Variants in SLAMF6 observed in about 807,000 individuals in gnomAD.
The protein encoded by SLAMF6 is SLAM family member 6, also known as NK-T-B-antigen.
A neutral mutation model predicts 38.3 loss-of-function variants in SLAMF6; 21 were observed. The observed-to-expected ratio is 0.55, with a 90% CI of 0.39 to 0.79. The LOEUF (loss-of-function observed/expected upper bound fraction) is 0.79, where lower values mean the gene tolerates loss of function less well. Ranked by LOEUF, SLAMF6 falls within the 30% of genes least tolerant of loss-of-function variation. The pLI, the probability that SLAMF6 is intolerant of heterozygous loss-of-function variation, is 0.00. For missense variants in SLAMF6, 341 were observed against 385.3 expected, an observed-to-expected ratio of 0.89 and a Z score of 0.96; for synonymous variants, 152 against 146.3, an observed-to-expected ratio of 1.04 and a Z score of -0.28.
At chr1:160,499,800 C>T (rs1206799483) in intron 1 of SLAMF6, among the ~76,000 whole-genome samples, 1 of 152,160 alleles carries the variant, frequency 6.6e-6, no homozygotes, top group African/African-American at 2.4e-5. Flanking sequence ...TGAGCTTGCA[C>T]TTCCTCTCTC....
chr1:160,517,592 T>C (rs1232339935), intron 1 of SLAMF6, among the ~76,000 whole-genome samples: 2 of 152,120 alleles, frequency 1.3e-5, no homozygotes, highest in Admixed American at 1.3e-4. Context: ...AGCAAAGGCC[T>C]GGAATCAACC....
At chr1:160,499,271 T>A (rs1262904771) in intron 1 of SLAMF6, among the ~76,000 whole-genome samples, 1 of 152,238 alleles carries the variant, frequency 6.6e-6, no homozygotes, top group Non-Finnish European at 1.5e-5. Flanking sequence ...TTCAATCTTC[T>A]GCATATGGCT....
chr1:160,523,084 GC>G, intron 1 of SLAMF6, 59 bp downstream of exon 1: 1 of 1,579,372 alleles, frequency 6.3e-7, no homozygotes, highest in Non-Finnish European at 8.7e-7. Flanking sequence ...TTTAGGTTGA[GC>G]AAGCTGCACA....
At chr1:160,510,849 A>G (rs1321441211) in intron 1 of SLAMF6, among the ~76,000 whole-genome samples, 1 of 152,214 alleles carries the variant, frequency 6.6e-6, no homozygotes, top group Non-Finnish European at 1.5e-5. Flanking sequence ...TAAAGAATCC[A>G]CAAAAATGAT....
chr1:160,495,909 C>T, intron 2 of SLAMF6, 152 bp downstream of exon 2: 4 of 684,344 alleles, frequency 5.8e-6, no homozygotes, highest in Non-Finnish European at 9.8e-6. Flanking sequence ...CATTAACTGG[C>T]TTTGCAGTGT....
At chr1:160,512,836 T>C (rs1654554510) in intron 1 of SLAMF6, among the ~76,000 whole-genome samples, 3 of 151,868 alleles carry the variant, frequency 2.0e-5, no homozygotes, top group Admixed American at 2.0e-4. Context: ...AACAAAAAAG[T>C]CCCCACAAAA....
chr1:160,500,013 G>T (rs972535656), intron 1 of SLAMF6, among the ~76,000 whole-genome samples: 1 of 152,210 alleles, frequency 6.6e-6, no homozygotes, highest in African/African-American at 2.4e-5. Flanking sequence ...ATTTAAAGTT[G>T]ATAAACAGAC....
intron 4 of SLAMF6, 38 bp downstream of exon 4, chr1:160,490,537 C>T: frequency 6.2e-7 from 1 of 1,603,082 alleles, no homozygotes; most frequent in South Asian, 1.1e-5. Context: ...ATCACTGGAA[C>T]CTTGGAGAAG....
At chr1:160,491,595 C>A (rs1464679366) in intron 2 of SLAMF6, among the ~76,000 whole-genome samples, 1 of 152,104 alleles carries the variant, frequency 6.6e-6, no homozygotes, top group African/African-American at 2.4e-5. Context: ...CAGTATGGGG[C>A]AGGATAGTCA....
chr1:160,486,603 T>C lies in SLAMF6; in HGVS notation c.*104A>G. ...GATCATCCTATCCTAGATATTCAAA[T>C]TCTGTTGCCAGGAACAACAGGAACC... On this transcript the variant is annotated 3_prime_UTR_variant, in exon 8 of 8. Coordinates refer to ENST00000368057, the MANE Select transcript of SLAMF6 (RefSeq NM_001184714.2). The C allele has an allele frequency of 8.1e-7, 1 of 1,240,560 alleles. No homozygotes were observed. The highest frequency in any genetic ancestry group is 1.2e-6 in the Non-Finnish European group (1 of 853,628). The allele number at this position is 1,240,560 out of a possible 1,614,324, so 76.8% of individuals were successfully genotyped here.
In SLAMF6 at chr1:160,490,573, G is replaced by T; in HGVS notation, c.757+2C>A. 1 of 1,612,160 alleles carries T rather than the reference G, an allele frequency of 6.2e-7. No homozygotes were observed. The highest frequency in any genetic ancestry group is 8.5e-7 in the Non-Finnish European group (1 of 1,179,504). On this transcript the variant is annotated splice_donor_variant, in intron 4 of 7. Transcript: ENST00000368057. LOFTEE classifies it high-confidence loss of function. ...AGACAAGTAGGAAGAAAGGAAACCT[G>T]CCTCTTCTTTTCCTCAAAACAAGTA...
intron 1 of SLAMF6, among the ~76,000 whole-genome samples, chr1:160,506,381 GA>G (rs112455915): frequency 0.091 from 13,582 of 149,684 alleles, 1,634 homozygotes; most frequent in African/African-American, 0.27. Flanking sequence ...GGTGCTGAAA[GA>G]AAAAAAAACA....
At chr1:160,500,129 A>G (rs1653806802) in intron 1 of SLAMF6, among the ~76,000 whole-genome samples, 1 of 152,350 alleles carries the variant, frequency 6.6e-6, no homozygotes, top group East Asian at 1.9e-4. Flanking sequence ...ATAATGTCCT[A>G]TCTCTAGATC....
chr1:160,515,556 A>G lies in SLAMF6; in HGVS notation c.49+7588T>C, dbSNP rs543555561. On this transcript the variant is annotated intron_variant, in intron 1 of 7. Coordinates refer to ENST00000368057, the MANE Select transcript of SLAMF6 (RefSeq NM_001184714.2). ...AAAACCTGGCAGAGATACAACAAAA[A>G]AGAAAGCTTCAGGCCAATATCCTGA... 2.6e-5 allele frequency among the ~76,000 whole-genome samples: 4 copies of G among 152,314 alleles called. No homozygotes were observed. The South Asian group carries it at 8.3e-4, about 32-fold the overall frequency.
intron 2 of SLAMF6, among the ~76,000 whole-genome samples, chr1:160,493,971 A>G (rs1255353700): frequency 6.6e-6 from 1 of 152,112 alleles, no homozygotes; most frequent in Non-Finnish European, 1.5e-5. Flanking sequence ...ACCACCCACC[A>G]GGTCCCTCCC....
At chr1:160,488,459 T>C (rs1653086252) in intron 6 of SLAMF6, among the ~76,000 whole-genome samples, 1 of 152,156 alleles carries the variant, frequency 6.6e-6, no homozygotes, top group African/African-American at 2.4e-5. Context: ...ATGGTATTAT[T>C]TAGAGATGTG....
At chr1:160,487,068 T>C in intron 7 of SLAMF6, 36 bp downstream of exon 7, 4 of 1,527,636 alleles carry the variant, frequency 2.6e-6, no homozygotes, top group Non-Finnish European at 3.6e-6. Flanking sequence ...TGGAGAGAGG[T>C]AAGAATATAA....
rs1272020742 is a variant in SLAMF6, at chr1:160,487,112, A to G, written c.943T>C (p.Ser315Pro). Residue 315 changes from serine to proline, a missense_variant, in exon 7 of 8, where the codon TCC becomes CCC. By Grantham distance (74) the Ser-to-Pro change is moderately conservative. Coordinates refer to ENST00000368057, the MANE Select transcript of SLAMF6 (RefSeq NM_001184714.2). Reference sequence around the variant, plus strand: ...AGCAATCGTGGGCTTACCTCTTTGGAATGATTAATTGTGGAGTAAATTGTG... The same window carrying G: ...AGCAATCGTGGGCTTACCTCTTTGGGATGATTAATTGTGGAGTAAATTGTG... ...TITIYSTINHSKESKPTFSRA... is the reference protein window; with the variant it reads ...TITIYSTINHPKESKPTFSRA... 1.2e-6 allele frequency: 2 copies of G among 1,612,170 alleles called. No individual in the cohort carries two copies.
At chr1:160,516,085 G>A (rs183041621) in intron 1 of SLAMF6, among the ~76,000 whole-genome samples, 1 of 152,112 alleles carries the variant, frequency 6.6e-6, no homozygotes, top group East Asian at 1.9e-4. Context: ...CAGATGACAC[G>A]ATCCTATATC....
Sources: allele counts gnomAD v4.1 joint callset (sites outside exome capture counted in the v4.1 genomes callset), GRCh38; gene constraint gnomAD v4.1.1; transcripts MANE v1.5; gene names NCBI Gene and HGNC (gene_info 2026-07-23, HGNC 2026-07-21).